The following NCAM2 variants were observed in gnomAD, a reference collection of about 807,000 sequenced individuals.
NCAM2 encodes the protein neural cell adhesion molecule 2.
NCAM2 carries 30 observed loss-of-function variants against 98.1 expected under a neutral mutation model. The observed-to-expected ratio is 0.31, with a 90% CI of 0.23 to 0.41. The LOEUF (loss-of-function observed/expected upper bound fraction) is 0.41, where lower values mean the gene tolerates loss of function less well. Among genes scored for constraint, NCAM2 ranks in the 10% least tolerant of loss-of-function variants. NCAM2 has a pLI of 1.00. For missense variants in NCAM2, 867 were observed against 1,005.8 expected, an observed-to-expected ratio of 0.86 and a Z score of 1.87; for synonymous variants, 368 against 342.4, an observed-to-expected ratio of 1.07 and a Z score of -0.83.
At chr21:21,284,047 T>C (rs2073016460) in intron 2 of NCAM2, 147 bp from the exon 3 acceptor site, 3 of 647,460 alleles carry the variant, frequency 4.6e-6, no homozygotes, top group Admixed American at 2.9e-5. Context: ...TTGTGTTTAC[T>C]TTAAGTTTTG....
At chr21:21,210,405 C>A in intron 1 of NCAM2, 1 of 532,134 alleles carries the variant, frequency 1.9e-6, no homozygotes. Context: ...ATTTATTTAA[C>A]AATTTTCAAA....
intron 12 of NCAM2, 62 bp downstream of exon 12, chr21:21,432,343 A>G: frequency 1.4e-6 from 2 of 1,478,704 alleles, no homozygotes; most frequent in South Asian, 2.5e-5. Context: ...TACCTGTATG[A>G]TTGGCTTTTT....
rs76185491 is a variant in NCAM2 at position 21,524,109 on chromosome 21, T to A, written c.2283-10428T>A. 3.4e-3 allele frequency among the ~76,000 whole-genome samples: 518 copies of A among 151,690 alleles called. 3 individuals carry two copies. Among genetic ancestry groups the A allele is most frequent in the African/African-American group, 0.012 (495 of 41,352 alleles). ...AAAGATAAATAGATAGAAAAAGACATACTATGCTAACATGAATCAAATGAA... is the reference window on the plus strand; with the variant it reads ...AAAGATAAATAGATAGAAAAAGACAAACTATGCTAACATGAATCAAATGAA... On this transcript the variant is annotated intron_variant, in intron 16 of 17. Transcript: ENST00000400546.
chr21:21,413,277 A>G lies in NCAM2; in HGVS notation c.1383+2816A>G, dbSNP rs9985047. Among the ~76,000 whole-genome samples, 664 of 152,272 alleles carry G rather than the reference A, an allele frequency of 4.4e-3. 4 individuals are homozygous for G. Among genetic ancestry groups the G allele is most frequent in the African/African-American group, 0.015 (609 of 41,572 alleles). On this transcript the variant is annotated intron_variant, in intron 10 of 17. Coordinates refer to ENST00000400546, the MANE Select transcript of NCAM2 (RefSeq NM_004540.5). ...TTTGCATTGTCTGTATCTTTGTTTCATATCCTAAATAGGGGTGCTTACTGT... is the reference window on the plus strand; with the variant it reads ...TTTGCATTGTCTGTATCTTTGTTTCGTATCCTAAATAGGGGTGCTTACTGT...
chr21:21,262,501 A>G (rs933000751), intron 1 of NCAM2, among the ~76,000 whole-genome samples: 5 of 152,050 alleles, frequency 3.3e-5, no homozygotes, highest in Admixed American at 6.6e-5. Flanking sequence ...TACATCTCAA[A>G]ATAATAAGAG....
At chr21:21,532,020 A>G (rs1989732862) in intron 16 of NCAM2, among the ~76,000 whole-genome samples, 1 of 151,748 alleles carries the variant, frequency 6.6e-6, no homozygotes, top group East Asian at 1.9e-4. Flanking sequence ...TTATATATAT[A>G]TCTTACAATG....
chr21:21,120,719 G>GTTT (rs56905252), intron 1 of NCAM2, among the ~76,000 whole-genome samples: 1 of 142,256 alleles, frequency 7.0e-6, no homozygotes. Context: ...TTTTTTGTGG[G>GTTT]TTTTTTTTTT....
At chr21:21,316,547 T>TG (rs1328418585) in intron 5 of NCAM2, among the ~76,000 whole-genome samples, 2 of 146,782 alleles carry the variant, frequency 1.4e-5, no homozygotes, top group African/African-American at 5.0e-5. Flanking sequence ...TTTTTTTTTT[T>TG]TTTTTTGAGA....
intron 1 of NCAM2, among the ~76,000 whole-genome samples, chr21:21,043,850 CAAA>C (rs72473034): frequency 2.5e-5 from 3 of 119,980 alleles, no homozygotes; most frequent in Non-Finnish European, 3.3e-5. Context: ...GAGACTCCGT[CAAA>C]AAAAAAAAAA....
intron 16 of NCAM2, among the ~76,000 whole-genome samples, chr21:21,517,620 G>A (rs1417813951): frequency 6.6e-6 from 1 of 152,164 alleles, no homozygotes; most frequent in African/African-American, 2.4e-5. Context: ...CACTTTGGGA[G>A]GCCGAGGTGA....
intron 1 of NCAM2, among the ~76,000 whole-genome samples, chr21:21,134,132 A>C (rs1011894124): frequency 5.3e-5 from 8 of 150,154 alleles, no homozygotes; most frequent in African/African-American, 2.0e-4. Flanking sequence ...GCAATGGTGC[A>C]ATCTTGGCTC....
intron 16 of NCAM2, among the ~76,000 whole-genome samples, chr21:21,522,759 G>A (rs9984080): frequency 0.34 from 52,043 of 150,892 alleles, 9,969 homozygotes; most frequent in East Asian, 0.61. Flanking sequence ...AGACTCCTGA[G>A]TAACTGGGAT....
At chr21:21,464,252 T>C (rs1377173767) in intron 12 of NCAM2, among the ~76,000 whole-genome samples, 1 of 152,064 alleles carries the variant, frequency 6.6e-6, no homozygotes, top group Admixed American at 6.6e-5. Flanking sequence ...GTTGGCTGTT[T>C]TATAAAAGGG....
At chr21:21,404,813 CAT>C (rs2076705465) in intron 9 of NCAM2, among the ~76,000 whole-genome samples, 1 of 151,320 alleles carries the variant, frequency 6.6e-6, no homozygotes, top group Admixed American at 6.6e-5. Flanking sequence ...TATATTCACT[CAT>C]ATATACATAT....
intron 9 of NCAM2, among the ~76,000 whole-genome samples, chr21:21,393,857 A>G (rs1466253163): frequency 6.6e-6 from 1 of 152,188 alleles, no homozygotes; most frequent in Non-Finnish European, 1.5e-5. Flanking sequence ...CAGCTACAAT[A>G]TTTTTATTCA....
chr21:21,030,390 T>C (rs1280086732), intron 1 of NCAM2, among the ~76,000 whole-genome samples: 1 of 152,218 alleles, frequency 6.6e-6, no homozygotes, highest in East Asian at 1.9e-4. Context: ...GCATAAATGA[T>C]ACAAACTTTA....
chr21:21,348,810 A>G (rs1210116949), intron 8 of NCAM2, among the ~76,000 whole-genome samples: 1 of 152,158 alleles, frequency 6.6e-6, no homozygotes, highest in Non-Finnish European at 1.5e-5. Context: ...ATTTTCAACA[A>G]AAGTGCCAAG....
At chr21:21,159,935 C>A (rs531755480) in intron 1 of NCAM2, among the ~76,000 whole-genome samples, 1 of 151,792 alleles carries the variant, frequency 6.6e-6, no homozygotes, top group African/African-American at 2.4e-5. Context: ...GTGAGAGATA[C>A]GTACTGGGAA....
chr21:21,431,854 C>T (rs925116604), intron 11 of NCAM2, among the ~76,000 whole-genome samples: 6 of 151,946 alleles, frequency 3.9e-5, no homozygotes, highest in Non-Finnish European at 8.8e-5. Flanking sequence ...GCAGAAGTAA[C>T]ATATTCCCTC....
Sources: allele counts gnomAD v4.1 joint callset (sites outside exome capture counted in the v4.1 genomes callset), GRCh38; gene constraint gnomAD v4.1.1; transcripts MANE v1.5; gene names NCBI Gene and HGNC (gene_info 2026-07-23, HGNC 2026-07-21).